The following PLCG2 variants were observed in gnomAD, a reference collection of about 807,000 sequenced individuals.
PLCG2 encodes 1-phosphatidylinositol 4,5-bisphosphate phosphodiesterase gamma-2.
In PLCG2, 69 loss-of-function variants were observed where a neutral mutation model predicts 175.6. The observed-to-expected ratio is 0.39, with a 90% CI of 0.32 to 0.48. The LOEUF (loss-of-function observed/expected upper bound fraction) is 0.48. Ranked by LOEUF, PLCG2 falls within the 20% of genes least tolerant of loss-of-function variation. PLCG2 has a pLI of 0.91. For missense variants in PLCG2, 1,798 were observed against 1,650.9 expected, an observed-to-expected ratio of 1.09 and a Z score of -1.54; for synonymous variants, 827 against 624.0, an observed-to-expected ratio of 1.33 and a Z score of -4.85.
intron 6 of PLCG2, among the ~76,000 whole-genome samples, 154 bp from the exon 7 acceptor site, chr16:81,870,698 C>T (rs1269615410): frequency 6.6e-6 from 1 of 152,170 alleles, no homozygotes; most frequent in African/African-American, 2.4e-5. Flanking sequence ...CTTTCAAAAG[C>T]CATGACACTG....
At chr16:81,772,518 G>A (rs1301614363) in intron 2 of PLCG2, among the ~76,000 whole-genome samples, 2 of 152,054 alleles carry the variant, frequency 1.3e-5, no homozygotes, top group African/African-American at 2.4e-5. Flanking sequence ...TTTGTCCAAT[G>A]AATGAAAGGG....
At chr16:81,751,837 C>A (rs573504129) in intron 1 of PLCG2, among the ~76,000 whole-genome samples, 4 of 152,006 alleles carry the variant, frequency 2.6e-5, no homozygotes, top group African/African-American at 9.6e-5. Context: ...GCCTGGCCAC[C>A]ATGGTGAAAT....
At chr16:81,956,631 G>C (rs1911579361) in intron 31 of PLCG2, 64 bp from the exon 32 acceptor site, 3 of 1,451,310 alleles carry the variant, frequency 2.1e-6, no homozygotes, top group Admixed American at 1.8e-5. Context: ...TGAGATGCCA[G>C]GTTCACATTT....
chr16:81,894,911 A>G (rs1908809872), intron 12 of PLCG2, among the ~76,000 whole-genome samples: 1 of 152,040 alleles, frequency 6.6e-6, no homozygotes, highest in South Asian at 2.1e-4. Flanking sequence ...TAAAATAAAA[A>G]AGGCATCAAC....
intron 1 of PLCG2, among the ~76,000 whole-genome samples, chr16:81,750,179 G>A (rs1348412928): frequency 2.0e-5 from 3 of 152,132 alleles, no homozygotes; most frequent in South Asian, 2.1e-4. Flanking sequence ...AGAACAAGGC[G>A]GACAGATCAC....
At position 81,958,281 on chromosome 16, in the gene PLCG2, A is replaced by G; in HGVS notation, c.*283A>G. On this transcript the variant is annotated 3_prime_UTR_variant, in exon 33 of 33. Transcript: ENST00000564138. Reference sequence around the variant, plus strand: ...GTTCCAAACCTCATTGAATAAAAGCAATGAAAACCTTGATCAATTAAGCCT... The same window carrying G: ...GTTCCAAACCTCATTGAATAAAAGCGATGAAAACCTTGATCAATTAAGCCT... 1 of 441,594 alleles carries G rather than the reference A, an allele frequency of 2.3e-6. No homozygotes were observed. The highest frequency in any genetic ancestry group is 1.9e-5 in the African/African-American group (1 of 51,330). 27.4% of individuals were successfully genotyped at this position (441,594 alleles called of 1,614,324 possible). A position where few individuals can be genotyped will look rare whatever the true frequency, so the allele number is the denominator to read the frequency against.
intron 2 of PLCG2, among the ~76,000 whole-genome samples, chr16:81,789,281 C>T (rs566522478): frequency 1.3e-4 from 20 of 152,224 alleles, no homozygotes; most frequent in Admixed American, 2.0e-4. Context: ...CTCGCTTACG[C>T]GGATGCGCTC....
At chr16:81,800,819 C>G (rs1304210939) in intron 2 of PLCG2, among the ~76,000 whole-genome samples, 1 of 152,002 alleles carries the variant, frequency 6.6e-6, no homozygotes, top group Non-Finnish European at 1.5e-5. Context: ...TTGAACAGAT[C>G]TTGAGATGGG....
At chr16:81,954,254 C>G (rs1911477531) in intron 31 of PLCG2, among the ~76,000 whole-genome samples, 1 of 152,180 alleles carries the variant, frequency 6.6e-6, no homozygotes, top group African/African-American at 2.4e-5. Flanking sequence ...AACTCCTGGT[C>G]AAGCAATCCT....
intron 30 of PLCG2, among the ~76,000 whole-genome samples, chr16:81,942,617 C>CTCTT (rs1345102419): frequency 6.6e-6 from 1 of 152,148 alleles, no homozygotes; most frequent in Admixed American, 6.6e-5. Context: ...GTACCTTAAA[C>CTCTT]TCTTTCTCTT....
At chr16:81,901,066 G>A (rs1001117375) in intron 14 of PLCG2, among the ~76,000 whole-genome samples, 4 of 152,258 alleles carry the variant, frequency 2.6e-5, no homozygotes, top group Non-Finnish European at 5.9e-5. Context: ...GTGCAACTGC[G>A]CCTGTCATGT....
At chr16:81,794,678 T>C (rs559009971) in intron 2 of PLCG2, among the ~76,000 whole-genome samples, 1 of 152,350 alleles carries the variant, frequency 6.6e-6, no homozygotes, top group African/African-American at 2.4e-5. Flanking sequence ...TGACGTGATA[T>C]ATGTAAAATC....
upstream of PLCG2, among the ~76,000 whole-genome samples, chr16:81,775,686 G>C (rs1350241543): frequency 3.3e-5 from 5 of 152,174 alleles, no homozygotes; most frequent in East Asian, 9.6e-4. Context: ...CCAAGGACTG[G>C]TGAGCAACAC....
At chr16:81,856,076 C>T (rs966952843) in intron 3 of PLCG2, among the ~76,000 whole-genome samples, 1 of 152,170 alleles carries the variant, frequency 6.6e-6, no homozygotes, top group Admixed American at 6.5e-5. Flanking sequence ...GGTCCCTCTT[C>T]CGGAACCCTA....
intron 9 of PLCG2, chr16:81,883,662 G>T: frequency 2.7e-6 from 1 of 373,366 alleles, no homozygotes; most frequent in Non-Finnish European, 5.0e-6. Flanking sequence ...CCCTCACCTG[G>T]CTGGGTGCAC....
intron 1 of PLCG2, among the ~76,000 whole-genome samples, chr16:81,742,474 G>T (rs573945075): frequency 1.3e-5 from 2 of 152,266 alleles, no homozygotes; most frequent in African/African-American, 2.4e-5. Flanking sequence ...TGGAGCCCCA[G>T]CCCCCATGCA....
rs752952252 is a variant in PLCG2 at position 81,786,178 on chromosome 16, C to T, written c.189C>T (p.Gly63=). The change falls in exon 2 of 33, where the codon GGC becomes GGT. Residue 63 remains glycine, a synonymous_variant. Coordinates refer to ENST00000564138, the MANE Select transcript of PLCG2 (RefSeq NM_002661.5). ...AWSKTADKIE[G]FLDIMEIKEI... is the part of the protein sequence containing the mutation. Reference sequence around the variant, plus strand: ...GCAAGACCGCTGACAAGATCGAGGGCTTCTGTGAGTACTCGCTGGGTGGGG... The same window carrying T: ...GCAAGACCGCTGACAAGATCGAGGGTTTCTGTGAGTACTCGCTGGGTGGGG... The T allele has an allele frequency of 6.2e-7, 1 of 1,613,546 alleles. No homozygotes were observed. Among genetic ancestry groups the T allele is most frequent in the Non-Finnish European group, 8.5e-7 (1 of 1,179,722 alleles).
chr16:81,798,194 G>A (rs1911558245), intron 2 of PLCG2, among the ~76,000 whole-genome samples: 1 of 152,128 alleles, frequency 6.6e-6, no homozygotes, highest in South Asian at 2.1e-4. Flanking sequence ...CAGATCACTG[G>A]GAGGATTCAG....
intron 2 of PLCG2, among the ~76,000 whole-genome samples, chr16:81,835,106 G>T (rs912718702): frequency 1.3e-5 from 2 of 152,138 alleles, no homozygotes; most frequent in African/African-American, 2.4e-5. Context: ...TTTGGTGTCA[G>T]CTCTGTTATT....
Sources: gnomAD v4.1 joint callset for allele counts (sites outside exome capture counted in the v4.1 genomes callset) on GRCh38, gnomAD v4.1.1 for gene constraint, MANE v1.5 for transcripts, NCBI Gene and HGNC (gene_info 2026-07-23, HGNC 2026-07-21) for gene names.